Variants in PXDN observed in about 807,000 individuals in gnomAD.
PXDN encodes peroxidasin homolog.
Under a neutral mutation model 140.3 loss-of-function variants are expected in PXDN, and 77 were observed. The observed-to-expected ratio is 0.55, with a 90% CI of 0.46 to 0.66. PXDN has a LOEUF of 0.66. PXDN is among the 30% of genes least tolerant of loss of function. PXDN has a pLI of 0.00. For synonymous variants in PXDN, 911 were observed against 857.4 expected, an observed-to-expected ratio of 1.06 and a Z score of -1.09; for missense variants, 1,838 against 2,039.5, an observed-to-expected ratio of 0.90 and a Z score of 1.90.
rs140686047 is a variant in PXDN at position 1,634,563 on chromosome 2, G to A, written c.4321-240C>T. 0.012 allele frequency among the ~76,000 whole-genome samples: 1,877 copies of A among 152,210 alleles called. 36 individuals are homozygous for A. The highest frequency in any genetic ancestry group is 0.043 in the African/African-American group (1,799 of 41,538). ...CATAACAAGTCTCCCTGAGGCTCCC[G>A]TCCCACCCTTCCGTCCATGCCCACG... On this transcript the variant is annotated intron_variant, in intron 22 of 22. Coordinates refer to ENST00000252804, the MANE Select transcript of PXDN (RefSeq NM_012293.3).
Position 1,651,917 on chromosome 2 carries a change from C to T in PXDN, c.2104+1711G>A, listed in dbSNP as rs1164213076. Among the ~76,000 whole-genome samples, 2 of 152,188 alleles carry T rather than the reference C, an allele frequency of 1.3e-5. No homozygotes were observed. Among genetic ancestry groups the T allele is most frequent in the African/African-American group, 4.8e-5 (2 of 41,440 alleles). On this transcript the variant is annotated intron_variant, in intron 16 of 22. Coordinates refer to ENST00000252804, the MANE Select transcript of PXDN (RefSeq NM_012293.3). The surrounding 1 kb of genome is among the most constrained non-coding windows in gnomAD (Gnocchi z 4.4). ...TTCCGTTTGTGACTGTAGGCCCTGGCCCAGGACAATGACTGGCATAGAGGG... is the reference window on the plus strand; with the variant it reads ...TTCCGTTTGTGACTGTAGGCCCTGGTCCAGGACAATGACTGGCATAGAGGG...
intron 19 of PXDN, among the ~76,000 whole-genome samples, chr2:1,640,856 G>A (rs559666717): frequency 5.3e-5 from 8 of 152,156 alleles, no homozygotes; most frequent in African/African-American, 1.9e-4. Context: ...CCAGGACACG[G>A]TCCCAGGCAC....
intron 9 of PXDN, among the ~76,000 whole-genome samples, chr2:1,672,616 C>T (rs1544846): frequency 0.35 from 52,513 of 152,098 alleles, 10,601 homozygotes; most frequent in East Asian, 0.51. Flanking sequence ...AGTACTATAT[C>T]CTTGGGCTTT....
intron 9 of PXDN, among the ~76,000 whole-genome samples, chr2:1,671,841 A>G (rs1683584523): frequency 6.6e-6 from 1 of 152,090 alleles, no homozygotes; most frequent in Non-Finnish European, 1.5e-5. Flanking sequence ...TGTTGCTACT[A>G]CTCAACTCTG....
intron 19 of PXDN, among the ~76,000 whole-genome samples, chr2:1,640,287 T>C (rs1385208071): frequency 1.3e-5 from 2 of 152,330 alleles, no homozygotes; most frequent in Middle Eastern, 6.8e-3. Context: ...AAGAAAGCTG[T>C]GGCAGAGCAC....
At chr2:1,645,035 C>T (rs1368625117) in intron 17 of PXDN, among the ~76,000 whole-genome samples, 1 of 152,066 alleles carries the variant, frequency 6.6e-6, no homozygotes, top group Non-Finnish European at 1.5e-5. Context: ...TAAGCCACAC[C>T]TTTTCCAACT....
intron 1 of PXDN, among the ~76,000 whole-genome samples, chr2:1,728,030 G>A (rs1335192480): frequency 6.6e-6 from 1 of 152,158 alleles, no homozygotes; most frequent in South Asian, 2.1e-4. Flanking sequence ...TAACCTCCGA[G>A]GCTCAAGCAA....
At chr2:1,699,050 G>T (rs147559343) in intron 1 of PXDN, among the ~76,000 whole-genome samples, 2 of 152,052 alleles carry the variant, frequency 1.3e-5, no homozygotes, top group Non-Finnish European at 2.9e-5. Context: ...AAGAATTGTA[G>T]TGTTTGGAAC....
At chr2:1,726,389 G>A (rs935657335) in intron 1 of PXDN, among the ~76,000 whole-genome samples, 4 of 147,426 alleles carry the variant, frequency 2.7e-5, no homozygotes, top group African/African-American at 1.0e-4. Context: ...GAGAACACAT[G>A]GACACAGGAA....
intron 14 of PXDN, among the ~76,000 whole-genome samples, chr2:1,657,890 G>A (rs1442111370): frequency 7.7e-6 from 1 of 130,304 alleles, no homozygotes; most frequent in Non-Finnish European, 1.6e-5. Context: ...ACCGAAACCT[G>A]CCCCTCCTGA....
chr2:1,674,327 G>A lies in PXDN; in HGVS notation c.849-515C>T, dbSNP rs575794782. The stretch of plus-strand genomic sequence containing the variant: ...TGGGCTTAAGCGCTCCTCCTGCCTC[G>A]GGCTCCGAAAGTGCTGGGATTGCAG... On this transcript the variant is annotated intron_variant, in intron 8 of 22. Transcript: ENST00000252804. Among the ~76,000 whole-genome samples, 418 of 152,218 alleles carry A rather than the reference G, an allele frequency of 2.7e-3. 1 individual carries two copies. The highest frequency in any genetic ancestry group is 9.6e-3 in the African/African-American group (397 of 41,548).
intron 1 of PXDN, among the ~76,000 whole-genome samples, chr2:1,713,993 A>G (rs1291783626): frequency 6.6e-6 from 1 of 151,592 alleles, no homozygotes; most frequent in Admixed American, 6.5e-5. Context: ...CTCAAGGGAC[A>G]GTGAAGTTTC....
upstream of PXDN, chr2:1,744,595 C>T: frequency 2.8e-6 from 2 of 718,044 alleles, no homozygotes; most frequent in Non-Finnish European, 3.8e-6. Flanking sequence ...GAGGCTCCTC[C>T]CGGCCCCTCT....
intron 3 of PXDN, among the ~76,000 whole-genome samples, chr2:1,691,459 G>T (rs78496705): frequency 6.6e-6 from 1 of 152,286 alleles, no homozygotes; most frequent in African/African-American, 2.4e-5. Flanking sequence ...ATCACTTAGC[G>T]GGAGACAGGA....
At chr2:1,658,454 GC>G (rs1683220662) in intron 14 of PXDN, among the ~76,000 whole-genome samples, 1 of 151,704 alleles carries the variant, frequency 6.6e-6, no homozygotes, top group Admixed American at 6.6e-5. Flanking sequence ...CTACTGCCAG[GC>G]CCCCTCAGAT....
chr2:1,661,452 C>T (rs1316792560), intron 13 of PXDN, among the ~76,000 whole-genome samples: 1 of 152,170 alleles, frequency 6.6e-6, no homozygotes, highest in African/African-American at 2.4e-5. Context: ...CAGGTGACCT[C>T]CCAGCTGAGG....
intron 19 of PXDN, among the ~76,000 whole-genome samples, chr2:1,642,209 CCCCCACACA>C (rs1403467801): frequency 2.0e-5 from 3 of 151,830 alleles, no homozygotes; most frequent in African/African-American, 2.4e-5. Flanking sequence ...TCACACACAC[CCCCCACACA>C]CCCCACAGGT....
intron 1 of PXDN, among the ~76,000 whole-genome samples, chr2:1,715,319 C>T (rs1307033551): frequency 6.6e-6 from 1 of 152,058 alleles, no homozygotes; most frequent in African/African-American, 2.4e-5. Context: ...CCACATTTCC[C>T]GCTAAGTATG....
At chr2:1,661,367 G>A (rs774068867) in intron 13 of PXDN, among the ~76,000 whole-genome samples, 7 of 152,188 alleles carry the variant, frequency 4.6e-5, no homozygotes, top group Non-Finnish European at 8.8e-5. Context: ...CCTACAAAGA[G>A]ACCTAGGAAT....
Sources: allele counts gnomAD v4.1 joint callset (sites outside exome capture counted in the v4.1 genomes callset), GRCh38; gene constraint gnomAD v4.1.1; non-coding constraint Gnocchi (gnomAD v3.1); transcripts MANE v1.5; gene names NCBI Gene and HGNC (gene_info 2026-07-23, HGNC 2026-07-21).